The following CREB5 variants were observed in gnomAD, a reference collection of about 807,000 sequenced individuals.
The protein encoded by CREB5 is cAMP responsive element binding protein 5.
In CREB5, 19 loss-of-function variants were observed where a neutral mutation model predicts 57.1. That is an observed-to-expected ratio of 0.33 (90% confidence interval 0.23 to 0.49). CREB5 has a LOEUF of 0.49. Ranked by LOEUF, CREB5 falls within the 20% of genes least tolerant of loss-of-function variation. The pLI is 0.99. For synonymous variants in CREB5, 238 were observed against 238.3 expected, an observed-to-expected ratio of 1.00 and a Z score of 0.01; for missense variants, 579 against 671.6, an observed-to-expected ratio of 0.86 and a Z score of 1.52.
At chr7:28,481,760 T>A (rs1451110874) in intron 1 of CREB5, among the ~76,000 whole-genome samples, 1 of 152,092 alleles carries the variant, frequency 6.6e-6, no homozygotes, top group Non-Finnish European at 1.5e-5. Flanking sequence ...AGTATATGCA[T>A]GTGTCTGTGT....
chr7:28,373,321 C>T (rs1786752980), intron 1 of CREB5, among the ~76,000 whole-genome samples: 1 of 152,052 alleles, frequency 6.6e-6, no homozygotes, highest in East Asian at 1.9e-4. Flanking sequence ...TTAGAAATTG[C>T]TGTTTGTTTG....
chr7:28,524,316 AACAC>A (rs4000595), intron 4 of CREB5, among the ~76,000 whole-genome samples: 16,194 of 136,414 alleles, frequency 0.12, 918 homozygotes, highest in African/African-American at 0.15. Flanking sequence ...GCCTCTACTA[AACAC>A]ACACACACAC....
intron 7 of CREB5, among the ~76,000 whole-genome samples, chr7:28,749,977 T>C (rs183178877): frequency 2.0e-5 from 3 of 152,340 alleles, no homozygotes; most frequent in Non-Finnish European, 4.4e-5. Flanking sequence ...ATATCTTTTC[T>C]AGATATAATA....
chr7:28,488,039 A>ATG, intron 1 of CREB5, 136 bp from the exon 2 acceptor site: 2 of 695,470 alleles, frequency 2.9e-6, no homozygotes, highest in South Asian at 3.4e-5. Context: ...ACTCACATTA[A>ATG]TGTTCTGCTC....
rs899606404 is a variant in CREB5, at chr7:28,795,655, C to T, written c.703-8544C>T. Reference sequence around the variant, plus strand: ...TGAAGTCAAGAGTTCTCTATCAGCCCGCTGTCAGAAGAAAAGACATTCTTC... The same window carrying T: ...TGAAGTCAAGAGTTCTCTATCAGCCTGCTGTCAGAAGAAAAGACATTCTTC... On this transcript the variant is annotated intron_variant, in intron 7 of 10. Coordinates refer to ENST00000357727, the MANE Select transcript of CREB5 (RefSeq NM_182898.4). Among the ~76,000 whole-genome samples the T allele has an allele frequency of 2.6e-5, 4 of 151,976 alleles. No homozygotes were observed. In the South Asian group the frequency reaches 6.2e-4, roughly 24 times the overall value.
chr7:28,491,055 G>A (rs1213025317), intron 2 of CREB5: 2 of 257,094 alleles, frequency 7.8e-6, no homozygotes, highest in Non-Finnish European at 1.2e-5. Flanking sequence ...AGGGGAACGG[G>A]GGCGGAGGCC....
At chr7:28,608,142 C>T (rs1163957768) in intron 5 of CREB5, among the ~76,000 whole-genome samples, 1 of 151,574 alleles carries the variant, frequency 6.6e-6, no homozygotes, top group African/African-American at 2.4e-5. Flanking sequence ...CACACACACA[C>T]ACACACACAC....
At chr7:28,752,945 T>C (rs189649208) in intron 7 of CREB5, among the ~76,000 whole-genome samples, 2 of 140,138 alleles carry the variant, frequency 1.4e-5, no homozygotes, top group African/African-American at 2.5e-5. Flanking sequence ...AAAATACACA[T>C]GTTTTGTGGA....
intron 5 of CREB5, among the ~76,000 whole-genome samples, chr7:28,573,151 G>T (rs1484033087): frequency 6.6e-6 from 1 of 152,232 alleles, no homozygotes; most frequent in Non-Finnish European, 1.5e-5. Flanking sequence ...ATTTGGGGAC[G>T]GTTGACTCTT....
At chr7:28,643,193 G>A (rs1798750871) in intron 5 of CREB5, among the ~76,000 whole-genome samples, 1 of 152,166 alleles carries the variant, frequency 6.6e-6, no homozygotes, top group Non-Finnish European at 1.5e-5. Context: ...GCGTAACAAT[G>A]TGAGTATATC....
intron 9 of CREB5, among the ~76,000 whole-genome samples, chr7:28,815,736 G>A (rs1319697509): frequency 2.0e-5 from 3 of 152,130 alleles, no homozygotes; most frequent in African/African-American, 4.8e-5. Context: ...AGGACATAGT[G>A]GGGGAAGAAA....
At chr7:28,671,146 G>A (rs7341530) in intron 5 of CREB5, among the ~76,000 whole-genome samples, 51 of 151,992 alleles carry the variant, frequency 3.4e-4, no homozygotes, top group East Asian at 2.4e-3. Context: ...TCCCACCTAC[G>A]TGGGAGGCTG....
intron 5 of CREB5, among the ~76,000 whole-genome samples, chr7:28,662,690 G>T (rs1437024959): frequency 1.3e-5 from 2 of 152,182 alleles, no homozygotes; most frequent in East Asian, 3.8e-4. Context: ...AGGCGCTGAG[G>T]AAGTTCCGTC....
At chr7:28,447,645 G>A (rs1423903616) in intron 1 of CREB5, among the ~76,000 whole-genome samples, 1 of 152,176 alleles carries the variant, frequency 6.6e-6, no homozygotes, top group Non-Finnish European at 1.5e-5. Flanking sequence ...GTGTGTGTAT[G>A]TGTGTATTGT....
At chr7:28,439,845 C>A (rs1320982721) in intron 1 of CREB5, among the ~76,000 whole-genome samples, 1 of 152,142 alleles carries the variant, frequency 6.6e-6, no homozygotes, top group Non-Finnish European at 1.5e-5. Context: ...TTTCTCTGTG[C>A]CTGTGTGACC....
At chr7:28,452,637 G>T (rs200778577) in intron 1 of CREB5, among the ~76,000 whole-genome samples, 1 of 152,184 alleles carries the variant, frequency 6.6e-6, no homozygotes, top group South Asian at 2.1e-4. Context: ...AGGAGCAGGG[G>T]AGGGAATGGT....
At chr7:28,625,560 C>T (rs1797968884) in intron 5 of CREB5, among the ~76,000 whole-genome samples, 1 of 152,180 alleles carries the variant, frequency 6.6e-6, no homozygotes, top group Non-Finnish European at 1.5e-5. Flanking sequence ...AAAACCTCAT[C>T]CAGATGCAAG....
chr7:28,499,176 GA>G lies in CREB5; in HGVS notation c.169+4195del, dbSNP rs34378552. On this transcript the variant is annotated intron_variant, in intron 3 of 10. Coordinates refer to ENST00000357727, the MANE Select transcript of CREB5 (RefSeq NM_182898.4). The stretch of plus-strand genomic sequence containing the variant: ...TATAGGGTTCCTGGGTTCTGTGCAG[GA>G]AAAAAAAAAAAAAAAAAGACCCAGA... 2.5e-3 allele frequency among the ~76,000 whole-genome samples: 313 copies of G among 126,208 alleles called. 1 individual carries two copies. The highest frequency in any genetic ancestry group is 8.0e-3 in the South Asian group (29 of 3,624). 82.8% of individuals were successfully genotyped at this position (126,208 alleles called of 152,430 possible). A position where few individuals can be genotyped will look rare whatever the true frequency, so the allele number is the denominator to read the frequency against.
chr7:28,395,100 G>A (rs745968085), intron 1 of CREB5, among the ~76,000 whole-genome samples: 2 of 152,132 alleles, frequency 1.3e-5, no homozygotes, highest in African/African-American at 4.8e-5. Context: ...CTATATATTC[G>A]AGAATATTGT....
Sources: allele counts gnomAD v4.1 joint callset (sites outside exome capture counted in the v4.1 genomes callset), GRCh38; gene constraint gnomAD v4.1.1; transcripts MANE v1.5; gene names NCBI Gene and HGNC (gene_info 2026-07-23, HGNC 2026-07-21).